EPHA3: variants seen among roughly 807,000 people sequenced by gnomAD.
EPHA3 encodes EPH receptor A3, also known as ephrin type-A receptor 3.
In EPHA3, 42 loss-of-function variants were observed where a neutral mutation model predicts 107.1. That is an observed-to-expected ratio of 0.39 (90% CI 0.31 to 0.51). The LOEUF is 0.51. EPHA3 is among the 20% of genes least tolerant of loss of function. The pLI, the probability that EPHA3 is intolerant of heterozygous loss-of-function variation, is 0.78. For synonymous variants in EPHA3, 461 were observed against 424.8 expected (o/e 1.09, Z -1.05); for missense variants, 1,183 against 1,211.2 (o/e 0.98, Z 0.35).
rs1472356870 is a variant in EPHA3, at chr3:89,295,758, T to A, written c.815-45158T>A. Among the ~76,000 whole-genome samples the A allele has an allele frequency of 2.0e-5, 3 of 151,966 alleles. No individual in the cohort carries two copies. In the East Asian group the frequency reaches 5.8e-4, roughly 30 times the overall value. ...GGCATGCACCACCACACCCGGCTAA[T>A]TTTTGTATTTTTAGTAGAGATGAGT... is the stretch of plus-strand genomic sequence containing the variant. On this transcript the variant is annotated intron_variant, in intron 3 of 16. Transcript: ENST00000336596.
chr3:89,218,002 T>C (rs1683235191), intron 3 of EPHA3, among the ~76,000 whole-genome samples: 1 of 152,308 alleles, frequency 6.6e-6, no homozygotes, highest in East Asian at 1.9e-4. Context: ...TATCTCATAC[T>C]TCTACATTGA....
chr3:89,351,179 A>C (rs1707806427), intron 5 of EPHA3, among the ~76,000 whole-genome samples: 1 of 151,228 alleles, frequency 6.6e-6, no homozygotes, highest in African/African-American at 2.4e-5. Context: ...TGTTTACCTA[A>C]GCAAGCCTGG....
intron 3 of EPHA3, among the ~76,000 whole-genome samples, chr3:89,217,868 A>G (rs1704255401): frequency 6.6e-6 from 1 of 152,214 alleles, no homozygotes; most frequent in South Asian, 2.1e-4. Context: ...AGGAACATGT[A>G]AAGTTTTATG....
chr3:89,176,965 A>G (rs1705332386), intron 2 of EPHA3, among the ~76,000 whole-genome samples: 1 of 152,152 alleles, frequency 6.6e-6, no homozygotes, highest in Non-Finnish European at 1.5e-5. Flanking sequence ...ACACAGCCAC[A>G]TACAGGACAC....
intron 3 of EPHA3, among the ~76,000 whole-genome samples, chr3:89,319,946 A>T (rs1004492883): frequency 6.6e-6 from 1 of 151,974 alleles, no homozygotes; most frequent in African/African-American, 2.4e-5. Flanking sequence ...GCTATATACA[A>T]TAACAGAACA....
intron 6 of EPHA3, 113 bp downstream of exon 6, chr3:89,396,074 T>C: frequency 7.1e-7 from 1 of 1,412,824 alleles, no homozygotes; most frequent in African/African-American, 1.4e-5. Context: ...GAGCACTGTT[T>C]AGAACTGTGG....
At chr3:89,112,346 G>A (rs1231264445) in intron 1 of EPHA3, among the ~76,000 whole-genome samples, 1 of 151,984 alleles carries the variant, frequency 6.6e-6, no homozygotes, top group Non-Finnish European at 1.5e-5. Flanking sequence ...TAACAACTTA[G>A]TAATCTCACG....
Position 89,366,381 on chromosome 3 carries a change from C to T in EPHA3, c.1306+24291C>T, listed in dbSNP as rs138123264. 7.8e-4 allele frequency among the ~76,000 whole-genome samples: 118 copies of T among 150,506 alleles called. 1 individual carries two copies. Among genetic ancestry groups the T allele is most frequent in the African/African-American group, 2.6e-3 (108 of 41,304 alleles). Reference sequence around the variant, plus strand: ...ACATGTGGAAGAAAGGATGATAATACCATTGATCAAGATCAAAAACATGAA... The same window carrying T: ...ACATGTGGAAGAAAGGATGATAATATCATTGATCAAGATCAAAAACATGAA... On this transcript the variant is annotated intron_variant, in intron 5 of 16. Coordinates refer to ENST00000336596, the MANE Select transcript of EPHA3 (RefSeq NM_005233.6).
intron 3 of EPHA3, among the ~76,000 whole-genome samples, chr3:89,242,323 T>A: frequency 6.6e-6 from 1 of 152,220 alleles, no homozygotes; most frequent in South Asian, 2.1e-4. Flanking sequence ...GATAAGAATG[T>A]TTCAAATAAC....
At chr3:89,169,479 A>G (rs1425513666) in intron 2 of EPHA3, among the ~76,000 whole-genome samples, 1 of 152,230 alleles carries the variant, frequency 6.6e-6, no homozygotes, top group Non-Finnish European at 1.5e-5. Flanking sequence ...CATGTATAGA[A>G]TAAACTGCAA....
At chr3:89,344,523 G>A (rs928643271) in intron 5 of EPHA3, among the ~76,000 whole-genome samples, 3 of 152,064 alleles carry the variant, frequency 2.0e-5, no homozygotes, top group African/African-American at 7.2e-5. Flanking sequence ...AAATCTCCAG[G>A]GTAAGATATA....
intron 3 of EPHA3, among the ~76,000 whole-genome samples, chr3:89,231,545 T>C (rs561174350): frequency 6.6e-6 from 1 of 152,302 alleles, no homozygotes; most frequent in South Asian, 2.1e-4. Context: ...TTGTTTGCGT[T>C]TTGGACAATA....
intron 5 of EPHA3, among the ~76,000 whole-genome samples, chr3:89,368,280 G>A (rs1708222108): frequency 6.7e-6 from 1 of 150,338 alleles, no homozygotes; most frequent in Non-Finnish European, 1.5e-5. Flanking sequence ...ATTATTTAAA[G>A]CAATCTTCAT....
At chr3:89,303,280 T>C (rs910157824) in intron 3 of EPHA3, among the ~76,000 whole-genome samples, 5 of 152,022 alleles carry the variant, frequency 3.3e-5, no homozygotes, top group African/African-American at 1.2e-4. Context: ...CTTATTGCTT[T>C]TTCTATTTGC....
At chr3:89,406,874 A>T (rs1430743307) in intron 7 of EPHA3, among the ~76,000 whole-genome samples, 1 of 152,180 alleles carries the variant, frequency 6.6e-6, no homozygotes, top group African/African-American at 2.4e-5. Flanking sequence ...TTAATTAGAA[A>T]GCTTTTTATA....
chr3:89,376,392 A>T (rs1351259347), intron 5 of EPHA3, among the ~76,000 whole-genome samples: 1 of 151,744 alleles, frequency 6.6e-6, no homozygotes, highest in Non-Finnish European at 1.5e-5. Flanking sequence ...ATATGTATAC[A>T]TATTTTAGAT....
intron 3 of EPHA3, among the ~76,000 whole-genome samples, chr3:89,297,056 C>CT (rs1706371015): frequency 6.6e-6 from 1 of 152,148 alleles, no homozygotes; most frequent in Non-Finnish European, 1.5e-5. Context: ...TGGGCTTTGG[C>CT]TAAAAAGAAT....
chr3:89,155,959 A>G (rs1256494555), intron 2 of EPHA3, among the ~76,000 whole-genome samples: 1 of 152,050 alleles, frequency 6.6e-6, no homozygotes, highest in Admixed American at 6.6e-5. Flanking sequence ...ACTTTACAAG[A>G]AACAGATTGT....
chr3:89,150,112 A>G (rs892437820), intron 2 of EPHA3, among the ~76,000 whole-genome samples: 30 of 151,974 alleles, frequency 2.0e-4, no homozygotes, highest in Non-Finnish European at 2.9e-5. Flanking sequence ...GGGAAAGTAT[A>G]TGATTCTTAA....
Sources: gnomAD v4.1 joint callset for allele counts (sites outside exome capture counted in the v4.1 genomes callset) on GRCh38, gnomAD v4.1.1 for gene constraint, MANE v1.5 for transcripts, NCBI Gene and HGNC (gene_info 2026-07-23, HGNC 2026-07-21) for gene names.